KIF1B: variants seen among roughly 807,000 people sequenced by gnomAD.
The protein encoded by KIF1B is kinesin family member 1B.
A neutral mutation model predicts 241.9 loss-of-function variants in KIF1B; 76 were observed. The ratio of observed to expected loss-of-function variants is 0.31; its 90% CI spans 0.26 to 0.38. The LOEUF (loss-of-function observed/expected upper bound fraction) is 0.38, where lower values mean the gene tolerates loss of function less well. KIF1B is among the 10% of genes least tolerant of loss of function. KIF1B has a pLI of 1.00. For synonymous variants in KIF1B, 750 were observed against 796.7 expected, an observed-to-expected ratio of 0.94 and a Z score of 0.99; for missense variants, 1,622 against 2,271.4, an observed-to-expected ratio of 0.71 and a Z score of 5.81.
In KIF1B at chr1:10,346,564, C is replaced by T. The variant is rs1652597836; in HGVS notation, c.3797+611C>T. Among the ~76,000 whole-genome samples, 3 of 152,028 alleles carry T rather than the reference C, an allele frequency of 2.0e-5. No homozygotes were observed. In the South Asian group the frequency reaches 6.2e-4, roughly 32 times the overall value. ...ATTTTTAGTAGAGGCAGGGTTTCAC[C>T]ATGTTGGCCAGGCTGGTCTCGAACT... is the stretch of plus-strand genomic sequence containing the variant. On this transcript the variant is annotated intron_variant, in intron 35 of 48. Coordinates refer to ENST00000676179, the MANE Select transcript of KIF1B (RefSeq NM_001365951.3).
intron 15 of KIF1B, among the ~76,000 whole-genome samples, chr1:10,288,962 A>G (rs1649850686): frequency 6.6e-6 from 1 of 151,018 alleles, no homozygotes; most frequent in Admixed American, 6.6e-5. Flanking sequence ...CTGTGTAGAT[A>G]TTTACGTTTT....
Position 10,303,853 on chromosome 1 carries a change from G to A in KIF1B, c.2115+6607G>A. 6.2e-7 allele frequency: 1 copy of A among 1,614,224 alleles called. No individual in the cohort carries two copies. Among genetic ancestry groups the A allele is most frequent in the Non-Finnish European group, 8.5e-7 (1 of 1,180,044 alleles). On this transcript the variant is annotated intron_variant, in intron 22 of 48. Coordinates refer to ENST00000676179, the MANE Select transcript of KIF1B (RefSeq NM_001365951.3). The surrounding 1 kb of genome is among the most constrained non-coding windows in gnomAD (Gnocchi z 5.2). ...TGTTAGTAGCACCTCTGAGAATAAT[G>A]TAAGTAAAGGAGACAATGGAGAACT...
chr1:10,263,872 C>T (rs1373704032), intron 5 of KIF1B, among the ~76,000 whole-genome samples: 1 of 152,152 alleles, frequency 6.6e-6, no homozygotes, highest in African/African-American at 2.4e-5. Flanking sequence ...GTCTCTTCTA[C>T]TTCCTTCCCT....
chr1:10,274,287 ATAT>A (rs1648986303), intron 10 of KIF1B, among the ~76,000 whole-genome samples: 1 of 152,092 alleles, frequency 6.6e-6, no homozygotes, highest in Middle Eastern at 3.2e-3. Context: ...CAGCCAGCAT[ATAT>A]TTGAGTAGCT....
intron 1 of KIF1B, among the ~76,000 whole-genome samples, chr1:10,212,015 G>C (rs1428562526): frequency 1.3e-5 from 2 of 152,150 alleles, no homozygotes; most frequent in African/African-American, 4.8e-5. Flanking sequence ...TTCTGAGGAC[G>C]CAGGCTGTCA....
intron 45 of KIF1B, among the ~76,000 whole-genome samples, chr1:10,373,295 G>A (rs1253264473): frequency 3.4e-4 from 47 of 137,954 alleles, no homozygotes; most frequent in African/African-American, 1.1e-3. Context: ...TCACTCTGTC[G>A]CCCAGGCTGG....
At chr1:10,231,912 A>T (rs1646988625) in intron 1 of KIF1B, among the ~76,000 whole-genome samples, 2 of 152,152 alleles carry the variant, frequency 1.3e-5, no homozygotes, top group South Asian at 4.1e-4. Flanking sequence ...GGGAAAACAA[A>T]TTTTAGTCTT....
chr1:10,256,514 A>G (rs1569591229), intron 3 of KIF1B, among the ~76,000 whole-genome samples, 191 bp downstream of exon 3: 1 of 152,256 alleles, frequency 6.6e-6, no homozygotes, highest in East Asian at 1.9e-4. Context: ...AAGTTTATGT[A>G]CACATATACA....
At chr1:10,371,096 C>CT in intron 44 of KIF1B, 45 bp from the exon 45 acceptor site, 1 of 1,613,784 alleles carries the variant, frequency 6.2e-7, no homozygotes, top group Non-Finnish European at 8.5e-7. Context: ...GTAGAGGCAG[C>CT]TTTTTTCAGC....
chr1:10,246,800 A>T (rs1052516087), intron 2 of KIF1B, among the ~76,000 whole-genome samples: 58 of 151,870 alleles, frequency 3.8e-4, no homozygotes, highest in African/African-American at 1.4e-3. Context: ...CAATCAGATC[A>T]TGTCACCCCT....
intron 18 of KIF1B, 148 bp from the exon 19 acceptor site, chr1:10,295,512 A>T (rs1035214761): frequency 5.5e-6 from 4 of 729,992 alleles, no homozygotes; most frequent in Non-Finnish European, 9.7e-6. Context: ...ATATGTGAGG[A>T]TAGAATTCAT....
At chr1:10,299,505 T>G (rs768919159) in intron 22 of KIF1B, among the ~76,000 whole-genome samples, 24 of 152,248 alleles carry the variant, frequency 1.6e-4, no homozygotes, top group Non-Finnish European at 3.2e-4. Flanking sequence ...TATATTACCC[T>G]GTATTGGTCA....
In KIF1B at chr1:10,337,079, C is replaced by G. The variant is rs762701478; in HGVS notation, c.3135C>G (p.Asp1045Glu). The change falls in exon 30 of 49, where the codon GAC (aspartate) becomes GAG (glutamate). Residue 1045 changes from aspartate to glutamate, a missense_variant. Around this residue, in one of 7 missense-constraint regions of KIF1B, gnomAD observed 803 missense variants for 1,112.0 expected, o/e 0.72. Transcript: ENST00000676179. The surrounding 1 kb of genome is among the most constrained non-coding windows in gnomAD (Gnocchi z 4.0). ...SFDNEYFNQS[D>E]FSSVAMTRSG... is the part of the protein sequence containing the mutation. Reference sequence around the variant, plus strand: ...TGCCCCTGCCTTTTTTTCAGAGTGACTTTTCGTCTGTTGCAATGACTCGTT... The same window carrying G: ...TGCCCCTGCCTTTTTTTCAGAGTGAGTTTTCGTCTGTTGCAATGACTCGTT... 3.7e-6 allele frequency: 6 copies of G among 1,613,928 alleles called. No individual in the cohort carries two copies.
intron 15 of KIF1B, 21 bp downstream of exon 15, chr1:10,282,554 A>T (rs572064822): frequency 6.3e-7 from 1 of 1,585,758 alleles, no homozygotes; most frequent in Admixed American, 1.7e-5. Context: ...GTTCAGACTG[A>T]ATACAAGGTA....
chr1:10,243,607 G>C (rs1647167783), intron 2 of KIF1B, among the ~76,000 whole-genome samples: 1 of 152,184 alleles, frequency 6.6e-6, no homozygotes. Context: ...ATTATTGGCT[G>C]TCTTGCCTGG....
In KIF1B at chr1:10,337,250, G is replaced by A. The variant is rs1047674238; in HGVS notation, c.3259+47G>A. ...TGCTTGGGGACATTTTCGACAAAGG[G>A]AAAATATTGACCATTATCAAGGGAC... is the stretch of plus-strand genomic sequence containing the variant. On this transcript the variant is annotated intron_variant, in intron 30 of 48. Coordinates refer to ENST00000676179, the MANE Select transcript of KIF1B (RefSeq NM_001365951.3). This position sits in a 1 kb window ranked among gnomAD's most constrained non-coding sequence, Gnocchi z 4.0. 6.2e-7 allele frequency: 1 copy of A among 1,613,840 alleles called. No homozygotes were observed. The highest frequency in any genetic ancestry group is 1.7e-5 in the Admixed American group (1 of 59,992).
Position 10,326,027 on chromosome 1 carries a change from T to A in KIF1B, c.2676-84T>A. The A allele has an allele frequency of 6.5e-7, 1 of 1,547,272 alleles. No homozygotes were observed. Among genetic ancestry groups the A allele is most frequent in the Non-Finnish European group, 8.9e-7 (1 of 1,125,248 alleles). On this transcript the variant is annotated intron_variant, in intron 26 of 48. Transcript: ENST00000676179. The surrounding 1 kb of genome is among the most constrained non-coding windows in gnomAD (Gnocchi z 5.2). Reference sequence around the variant, plus strand: ...TGTGTTGATTCCCCAGTGGATTCTGTCCTGTTAGCACCTATTGCTTCCTGT... The same window carrying A: ...TGTGTTGATTCCCCAGTGGATTCTGACCTGTTAGCACCTATTGCTTCCTGT...
At position 10,273,060 on chromosome 1, in the gene KIF1B, A is replaced by G. The variant is rs1294888490; in HGVS notation, c.882+29A>G. On this transcript the variant is annotated intron_variant, in intron 10 of 48. Coordinates refer to ENST00000676179, the MANE Select transcript of KIF1B (RefSeq NM_001365951.3). ...CAGTGGGGATTGGTAGAGATAAACT[A>G]GAATTGACTTTTATGTTTTAAATCC... The G allele has an allele frequency of 3.3e-6, 5 of 1,515,520 alleles. No homozygotes were observed. The African/African-American group carries it at 4.1e-5, about 13-fold the overall frequency. 93.9% of individuals were successfully genotyped at this position (1,515,520 alleles called of 1,614,324 possible).
Position 10,322,020 on chromosome 1 carries a change from A to G in KIF1B, c.2358+163A>G, listed in dbSNP as rs530704470. Among the ~76,000 whole-genome samples the G allele has an allele frequency of 2.6e-5, 4 of 152,364 alleles. No individual in the cohort carries two copies. In the South Asian group the frequency reaches 8.3e-4, roughly 32 times the overall value. On this transcript the variant is annotated intron_variant, in intron 24 of 48. Transcript: ENST00000676179. ...TTTATTTAATATATGTGGCTGGAAC[A>G]TAGTAGGTGCTAATTAAATTTTTGT...
Sources: allele counts gnomAD v4.1 joint callset (sites outside exome capture counted in the v4.1 genomes callset), GRCh38; gene constraint gnomAD v4.1.1; regional missense constraint gnomAD v4.1.1; non-coding constraint Gnocchi (gnomAD v3.1); transcripts MANE v1.5; gene names NCBI Gene and HGNC (gene_info 2026-07-23, HGNC 2026-07-21).